The following ASMTL variants were observed in gnomAD, a reference collection of about 807,000 sequenced individuals.
ASMTL encodes acetylserotonin O-methyltransferase like.
In ASMTL, 57 loss-of-function variants were observed where a neutral mutation model predicts 60.3. The observed-to-expected ratio is 0.95, with a 90% CI of 0.76 to 1.18. The LOEUF (loss-of-function observed/expected upper bound fraction) is 1.18. Ranked by LOEUF, ASMTL falls within the 50% of genes most tolerant of loss-of-function variation. The probability of loss-of-function intolerance (pLI) is 0.00; values close to 1 mark genes in which losing one functional copy is unlikely to be tolerated. For synonymous variants in ASMTL, 419 were observed against 373.0 expected (o/e 1.12, Z -1.42); for missense variants, 981 against 852.6 (o/e 1.15, Z -1.88).
chrX:1,418,926 A>G (rs2090393041), intron 10 of ASMTL, 56 bp downstream of exon 10: 2 of 1,608,404 alleles, frequency 1.2e-6, no homozygotes, highest in East Asian at 2.2e-5. Context: ...AGCAGGGAAG[A>G]TACCTGTGGC....
In ASMTL at chrX:1,427,726, A is replaced by G; in HGVS notation, c.897+8T>C. On this transcript the variant is annotated splice_region_variant and intron_variant, in intron 7 of 12. Coordinates refer to ENST00000381317, the MANE Select transcript of ASMTL (RefSeq NM_004192.4). ...TGAAATGTGGCCTGAGGAGACAGAC[A>G]CAGGTACCTTGGATAGCATAAAGCC... The G allele has an allele frequency of 6.3e-7, 1 of 1,597,018 alleles. No individual in the cohort carries two copies. The highest frequency in any genetic ancestry group is 1.1e-5 in the South Asian group (1 of 90,254).
At chrX:1,450,024 CCA>C (rs2091323191) in intron 1 of ASMTL, among the ~76,000 whole-genome samples, 1 of 150,834 alleles carries the variant, frequency 6.6e-6, no homozygotes, top group African/African-American at 2.4e-5. Context: ...TCTCCCATCA[CCA>C]GTAACTATCC....
chrX:1,411,275 C>G (rs1302340092), intron 12 of ASMTL, among the ~76,000 whole-genome samples: 11 of 152,252 alleles, frequency 7.2e-5, no homozygotes, highest in African/African-American at 2.4e-4. Context: ...CCATTTGAGC[C>G]TATGGGGAGT....
rs1367784855 is a variant in ASMTL, at chrX:1,432,268, C to T, written c.509+1G>A. 6.2e-7 allele frequency: 1 copy of T among 1,608,578 alleles called. No homozygotes were observed. Among genetic ancestry groups the T allele is most frequent in the South Asian group, 1.1e-5 (1 of 90,720 alleles). On this transcript the variant is annotated splice_donor_variant, in intron 6 of 12. Coordinates refer to ENST00000381317, the MANE Select transcript of ASMTL (RefSeq NM_004192.4). LOFTEE classifies it high-confidence loss of function. ...GTCCCCCCACCGCCCCCGAGACTCA[C>T]ATGGGCTCCCCGCTGTGGACGTATT...
In ASMTL at chrX:1,434,408, G is replaced by A. The variant is rs1218009154; in HGVS notation, c.400+614C>T. The stretch of plus-strand genomic sequence containing the variant: ...TAGGGGCTGAGGCGGGAGGATCGCT[G>A]GAGCTCAGGAGGTCGAGGCTGCAGT... On this transcript the variant is annotated intron_variant, in intron 5 of 12. Coordinates refer to ENST00000381317, the MANE Select transcript of ASMTL (RefSeq NM_004192.4). Among the ~76,000 whole-genome samples, 4 of 151,288 alleles carry A rather than the reference G, an allele frequency of 2.6e-5. 1 individual carries two copies. The highest frequency in any genetic ancestry group is 9.7e-5 in the African/African-American group (4 of 41,198).
At chrX:1,452,995 A>T (rs1353370492), upstream of ASMTL, 5 of 577,878 alleles carry the variant, frequency 8.7e-6, no homozygotes, top group Non-Finnish European at 1.5e-5. Flanking sequence ...CCGCGCCTTC[A>T]GTGGCCTCCC....
intron 12 of ASMTL, among the ~76,000 whole-genome samples, chrX:1,407,180 G>T (rs2089891831): frequency 6.6e-6 from 1 of 151,280 alleles, no homozygotes; most frequent in South Asian, 2.1e-4. Context: ...GATGTATATA[G>T]ATGGATGCAT....
intron 1 of ASMTL, among the ~76,000 whole-genome samples, chrX:1,444,447 G>A (rs1197441098): frequency 6.6e-6 from 1 of 152,100 alleles, no homozygotes; most frequent in Non-Finnish European, 1.5e-5. Context: ...GACCTCAGGT[G>A]ATCCGCCCGC....
At chrX:1,406,604 ATAGG>A (rs1289170003) in intron 12 of ASMTL, among the ~76,000 whole-genome samples, 3 of 149,644 alleles carry the variant, frequency 2.0e-5, no homozygotes, top group African/African-American at 7.4e-5. Context: ...GGGTGAATAG[ATAGG>A]TAGGTAGGTA....
intron 12 of ASMTL, among the ~76,000 whole-genome samples, chrX:1,405,414 GGATGCATGGATGT>G (rs1460209162): frequency 2.5e-4 from 37 of 150,346 alleles, no homozygotes; most frequent in African/African-American, 8.1e-4. Context: ...ATGTATAGAT[GGATGCATGGATGT>G]GATGGATGGA....
intron 1 of ASMTL, among the ~76,000 whole-genome samples, chrX:1,450,027 G>T (rs1487707796): frequency 1.4e-5 from 2 of 145,418 alleles, no homozygotes; most frequent in Non-Finnish European, 3.0e-5. Context: ...CCCATCACCA[G>T]TAACTATCCC....
chrX:1,412,412 G>C (rs1274976673), intron 12 of ASMTL, among the ~76,000 whole-genome samples: 20 of 152,168 alleles, frequency 1.3e-4, no homozygotes, highest in Non-Finnish European at 1.6e-4. Flanking sequence ...ATTTTTAGTA[G>C]AGACGGGGTT....
chrX:1,437,518 C>G lies in ASMTL; in HGVS notation c.273+1579G>C, dbSNP rs1393146849. 5.3e-5 allele frequency among the ~76,000 whole-genome samples: 8 copies of G among 152,196 alleles called. No homozygotes were observed. In the East Asian group the frequency reaches 9.7e-4, roughly 18 times the overall value. ...CACAGGGTCGTCCCTCTGTGTGTGT[C>G]TGTGTCCTCATCTCCTCTTCTTATG... On this transcript the variant is annotated intron_variant, in intron 3 of 12. Transcript: ENST00000381317.
At chrX:1,413,812 C>G (rs1160007915) in intron 11 of ASMTL, 7 of 151,402 alleles carry the variant, frequency 4.6e-5, no homozygotes, top group African/African-American at 1.7e-4. Context: ...GAGACGGAGG[C>G]AGAGACTGGA....
chrX:1,439,133 C>T lies in ASMTL; in HGVS notation c.237G>A (p.Arg79=), dbSNP rs775065002. ...CCGCTCCAATGACCACGTCGGGGGC[C>T]CGCAGGTCTTTCTGTAAGAAAACCA... The part of the protein sequence containing the change: ...VANRLYQKDL[R]APDVVIGADT... The change falls in exon 3 of 13, where the codon CGG becomes CGA. Residue 79 remains arginine, a synonymous_variant. Transcript: ENST00000381317. 3.1e-6 allele frequency: 5 copies of T among 1,613,902 alleles called. No individual in the cohort carries two copies. Among genetic ancestry groups the T allele is most frequent in the Non-Finnish European group, 4.2e-6 (5 of 1,179,876 alleles).
intron 6 of ASMTL, among the ~76,000 whole-genome samples, chrX:1,431,205 T>C (rs2090772453): frequency 8.0e-6 from 1 of 124,310 alleles, no homozygotes; most frequent in Non-Finnish European, 1.6e-5. Context: ...ATATATCATT[T>C]ATAATTAATT....
intron 5 of ASMTL, among the ~76,000 whole-genome samples, chrX:1,433,468 C>G (rs779808695): frequency 6.8e-6 from 1 of 147,432 alleles, no homozygotes; most frequent in African/African-American, 2.5e-5. Flanking sequence ...GATCGAGACC[C>G]TCCTGGCTAC....
rs751230369 is a variant in ASMTL, at chrX:1,419,013, C to G, written c.1347G>C (p.Leu449=). ...TACQVATAFN[L]SRFSSACDVG... is the part of the protein sequence containing the mutation. ...CGTCGCAGGCGGAGGAGAAGCGGGA[C>G]AGATTGAAGGCCGTGGCCACCTGGC... The change falls in exon 10 of 13, where the codon CTG becomes CTC. Residue 449 remains leucine (L), a synonymous_variant. Transcript: ENST00000381317. 47 of 1,611,726 alleles carry G rather than the reference C, an allele frequency of 2.9e-5. No homozygotes were observed. Among genetic ancestry groups the G allele is most frequent in the Non-Finnish European group, 3.6e-5 (43 of 1,179,802 alleles).
rs1281970541 is a variant in ASMTL at position 1,430,956 on chromosome X, ATATT to A, written c.509+1309_509+1312del. Among the ~76,000 whole-genome samples, 17 of 141,554 alleles carry A rather than the reference ATATT, an allele frequency of 1.2e-4. No individual in the cohort carries two copies. The East Asian group carries it at 3.2e-3, about 27-fold the overall frequency. 92.9% of individuals were successfully genotyped at this position (141,554 alleles called of 152,430 possible). ...TATATATAACTAATATGTATTACAT[ATATT>A]TAATTAATATATAATTTACATATAA... is the stretch of plus-strand genomic sequence containing the variant. On this transcript the variant is annotated intron_variant, in intron 6 of 12. Transcript: ENST00000381317.
Sources: gnomAD v4.1 joint callset for allele counts (sites outside exome capture counted in the v4.1 genomes callset) on GRCh38, gnomAD v4.1.1 for gene constraint, MANE v1.5 for transcripts, NCBI Gene and HGNC (gene_info 2026-07-23, HGNC 2026-07-21) for gene names.